Variants in MEOX2 observed in about 807,000 individuals in gnomAD.
The protein encoded by MEOX2 is mesenchyme homeobox 2.
In MEOX2, 11 loss-of-function variants were observed where a neutral mutation model predicts 27.0. The ratio of observed to expected loss-of-function variants is 0.41; its 90% CI spans 0.26 to 0.68. The LOEUF is 0.68. Among genes scored for constraint, MEOX2 ranks in the 30% least tolerant of loss-of-function variants. MEOX2 has a pLI of 0.33. For synonymous variants in MEOX2, 189 were observed against 155.4 expected, an observed-to-expected ratio of 1.22 and a Z score of -1.61; for missense variants, 436 against 385.4, an observed-to-expected ratio of 1.13 and a Z score of -1.10.
intron 1 of MEOX2, chr7:15,678,776 T>C (rs1319134047): frequency 6.6e-6 from 1 of 152,232 alleles, no homozygotes; most frequent in Non-Finnish European, 1.5e-5. Context: ...ATTCTAGGCC[T>C]TTAAAATTCT....
At chr7:15,632,515 A>T (rs1366461455) in intron 1 of MEOX2, among the ~76,000 whole-genome samples, 3 of 151,912 alleles carry the variant, frequency 2.0e-5, no homozygotes, top group African/African-American at 7.2e-5. Flanking sequence ...AGAACTAAAA[A>T]TGGTGATGAA....
chr7:15,678,301 T>C (rs916010761), intron 1 of MEOX2, among the ~76,000 whole-genome samples: 1 of 152,206 alleles, frequency 6.6e-6, no homozygotes, highest in Non-Finnish European at 1.5e-5. Context: ...CATCACTTGA[T>C]TCCAACCTAT....
chr7:15,618,409 T>G lies in MEOX2; in HGVS notation c.691-5798A>C, dbSNP rs1781157511. Among the ~76,000 whole-genome samples the G allele has an allele frequency of 2.6e-5, 4 of 152,056 alleles. No homozygotes were observed. The South Asian group carries it at 8.3e-4, about 31-fold the overall frequency. ...TAGCAATACCTGAAGACATGGAATT[T>G]GTATATTCTGAGCCACTACTTCATG... On this transcript the variant is annotated intron_variant, in intron 2 of 2. Transcript: ENST00000262041.
Position 15,611,574 on chromosome 7 carries a change from G to A in MEOX2, c.*813C>T, listed in dbSNP as rs1400610463. Reference sequence around the variant, plus strand: ...TAGGAAGAATTCAGGAGCTAGGTAAGTTTTATAATAACGTATTAGCAGCAG... The same window carrying A: ...TAGGAAGAATTCAGGAGCTAGGTAAATTTTATAATAACGTATTAGCAGCAG... On this transcript the variant is annotated 3_prime_UTR_variant, in exon 3 of 3. Coordinates refer to ENST00000262041, the MANE Select transcript of MEOX2 (RefSeq NM_005924.5). 6.6e-6 allele frequency: 1 copy of A among 152,620 alleles called. No homozygotes were observed. The highest frequency in any genetic ancestry group is 1.5e-5 in the Non-Finnish European group (1 of 68,038). The allele number at this position is 152,620 out of a possible 1,614,324, so 9.5% of individuals were successfully genotyped here.
At chr7:15,652,888 C>A (rs1440100699) in intron 1 of MEOX2, among the ~76,000 whole-genome samples, 1 of 151,958 alleles carries the variant, frequency 6.6e-6, no homozygotes, top group Non-Finnish European at 1.5e-5. Flanking sequence ...TGTTGAAGAG[C>A]ATTTGCACTG....
intron 1 of MEOX2, among the ~76,000 whole-genome samples, chr7:15,658,903 A>G (rs1583775544): frequency 6.6e-6 from 1 of 152,232 alleles, no homozygotes; most frequent in African/African-American, 2.4e-5. Context: ...ATGTTTTGTT[A>G]CAGTAACCTG....
chr7:15,620,486 T>C (rs1463032284), intron 2 of MEOX2, among the ~76,000 whole-genome samples: 1 of 152,046 alleles, frequency 6.6e-6, no homozygotes, highest in Non-Finnish European at 1.5e-5. Flanking sequence ...GGCAGGAGAA[T>C]GGCCTGAACT....
At chr7:15,631,922 G>GTGTGTGTGTGTGTGTA (rs1336459813) in intron 1 of MEOX2, among the ~76,000 whole-genome samples, 3 of 151,106 alleles carry the variant, frequency 2.0e-5, no homozygotes, top group African/African-American at 7.3e-5. Flanking sequence ...GTGTGTGTGT[G>GTGTGTGTGTGTGTGTA]TGTGTGTGTG....
Position 15,686,089 on chromosome 7 carries a change from C to T in MEOX2, c.314G>A (p.Arg105Gln), listed in dbSNP as rs1218413777. The change falls in exon 1 of 3, where the codon CGG (arginine) becomes CAG (glutamine). Residue 105 changes from arginine to glutamine, a missense_variant. Physicochemically the swap from Arg to Gln is conservative, Grantham distance 43. Transcript: ENST00000262041. ...GTCGGGCTGGAGGCAGAGGCTGTGC[C>T]GAGCCGCACTCGGTGGGGAAGACAT... is the stretch of plus-strand genomic sequence containing the variant. ...PQMSSPPSAARHSLCLQPDSG... is the reference protein window; with the variant it reads ...PQMSSPPSAAQHSLCLQPDSG... 11 of 1,588,734 alleles carry T rather than the reference C, an allele frequency of 6.9e-6. No homozygotes were observed. The highest frequency in any genetic ancestry group is 4.0e-5 in the African/African-American group (3 of 74,132).
intron 1 of MEOX2, among the ~76,000 whole-genome samples, chr7:15,658,594 T>A (rs768779837): frequency 6.6e-6 from 1 of 152,176 alleles, no homozygotes; most frequent in Non-Finnish European, 1.5e-5. Context: ...AAAGTTTGTA[T>A]CTTCCCCCAG....
intron 1 of MEOX2, among the ~76,000 whole-genome samples, chr7:15,642,727 T>G (rs577378690): frequency 3.3e-5 from 5 of 152,238 alleles, no homozygotes; most frequent in Non-Finnish European, 5.9e-5. Context: ...CCTTCTTATC[T>G]GCAGAAGCTA....
chr7:15,664,845 A>T (rs1385090629), intron 1 of MEOX2, among the ~76,000 whole-genome samples: 1 of 152,136 alleles, frequency 6.6e-6, no homozygotes, highest in Non-Finnish European at 1.5e-5. Flanking sequence ...TGGACTTTCT[A>T]GCAGGTGTGA....
chr7:15,626,163 C>T (rs951664163), intron 2 of MEOX2, among the ~76,000 whole-genome samples: 3 of 152,088 alleles, frequency 2.0e-5, no homozygotes, highest in African/African-American at 7.2e-5. Context: ...AGTGCATAAA[C>T]TTCCAATTCT....
chr7:15,662,667 T>G (rs2115384810), intron 1 of MEOX2, among the ~76,000 whole-genome samples: 1 of 152,300 alleles, frequency 6.6e-6, no homozygotes, highest in South Asian at 2.1e-4. Flanking sequence ...TTTGATATTT[T>G]TGGCTTAGAA....
rs765385637 is a variant in MEOX2, at chr7:15,685,974, C to A, written c.429G>T (p.Ala143=). 22 of 1,610,756 alleles carry A rather than the reference C, an allele frequency of 1.4e-5. No homozygotes were observed. Among genetic ancestry groups the A allele is most frequent in the Non-Finnish European group, 1.9e-5 (22 of 1,179,712 alleles). The stretch of plus-strand genomic sequence containing the variant: ...GGCGGCCGTAGTCCCCCGGCGCGCA[C>A]GCGGCCCCAGTCGGGGTGCTGGAGC... ...SLGSSTPTGA[A]CAPGDYGRQA... is the part of the protein sequence containing the mutation. Residue 143 remains alanine, a synonymous_variant, in exon 1 of 3, where the codon GCG becomes GCT. Transcript: ENST00000262041.
intron 1 of MEOX2, among the ~76,000 whole-genome samples, chr7:15,637,196 C>A (rs1781492197): frequency 6.6e-6 from 1 of 151,964 alleles, no homozygotes; most frequent in South Asian, 2.1e-4. Flanking sequence ...TATTTCTGAT[C>A]TCTGCCAAGA....
In MEOX2 at chr7:15,626,729, A is replaced by T; in HGVS notation, c.690+17T>A. On this transcript the variant is annotated intron_variant, in intron 2 of 2. Coordinates refer to ENST00000262041, the MANE Select transcript of MEOX2 (RefSeq NM_005924.5). ...GGCAATTAAAAAAGATCATATAATG[A>T]TAATGCCCAGCTTTACCTGTCTTTC... The T allele has an allele frequency of 6.3e-7, 1 of 1,590,534 alleles. No individual in the cohort carries two copies. The highest frequency in any genetic ancestry group is 8.6e-7 in the Non-Finnish European group (1 of 1,162,144).
intron 1 of MEOX2, among the ~76,000 whole-genome samples, chr7:15,663,071 A>G (rs1211437575): frequency 6.6e-6 from 1 of 152,194 alleles, no homozygotes; most frequent in Non-Finnish European, 1.5e-5. Flanking sequence ...ACCAATCTGT[A>G]AATCTATTCT....
intron 2 of MEOX2, among the ~76,000 whole-genome samples, chr7:15,616,027 T>G (rs1342417109): frequency 1.3e-5 from 2 of 152,020 alleles, no homozygotes; most frequent in East Asian, 3.9e-4. Context: ...TTGTGTTGTT[T>G]TCTATGTCTA....
Sources: gnomAD v4.1 joint callset for allele counts (sites outside exome capture counted in the v4.1 genomes callset) on GRCh38, gnomAD v4.1.1 for gene constraint, MANE v1.5 for transcripts, NCBI Gene and HGNC (gene_info 2026-07-23, HGNC 2026-07-21) for gene names.